Variants in GRIA3 observed in about 807,000 individuals in gnomAD.
GRIA3 encodes glutamate receptor 3.
A neutral mutation model predicts 63.0 loss-of-function variants in GRIA3; 3 were observed. That is an observed-to-expected ratio of 0.05 (90% CI 0.02 to 0.12). The LOEUF (loss-of-function observed/expected upper bound fraction) is 0.12, where lower values mean the gene tolerates loss of function less well. Ranked by LOEUF, GRIA3 falls within the 10% of genes least tolerant of loss-of-function variation. GRIA3 has a pLI of 1.00. For missense variants in GRIA3, 347 were observed against 700.9 expected (o/e 0.50, Z 5.70); for synonymous variants, 274 against 257.9 (o/e 1.06, Z -0.60).
intron 2 of GRIA3, among the ~76,000 whole-genome samples, chrX:123,215,106 A>C (rs1928127942): frequency 8.9e-6 from 1 of 112,290 alleles, no homozygotes; most frequent in Non-Finnish European, 1.9e-5. Flanking sequence ...ATAGTTCGCC[A>C]ATCTAAAAAA....
chrX:123,382,161 A>G (rs1428221626), intron 5 of GRIA3, among the ~76,000 whole-genome samples: 1 of 111,964 alleles, frequency 8.9e-6, no homozygotes, highest in Non-Finnish European at 1.9e-5. Flanking sequence ...CTTTCCTTTC[A>G]TCTCCCTAAA....
chrX:123,417,325 T>C lies in GRIA3; in HGVS notation c.1501-77T>C, dbSNP rs140293622. On this transcript the variant is annotated intron_variant, in intron 10 of 15. Coordinates refer to ENST00000620443, the MANE Select transcript of GRIA3 (RefSeq NM_007325.5). Reference sequence around the variant, plus strand: ...GGACTTGATATTTTCACCAAAGAAGTATATTAAGCGACAAATAACTGATTA... The same window carrying C: ...GGACTTGATATTTTCACCAAAGAAGCATATTAAGCGACAAATAACTGATTA... The C allele has an allele frequency of 1.1e-3, 890 of 822,961 alleles. 4 individuals carry two copies. The highest frequency in any genetic ancestry group is 7.2e-3 in the Middle Eastern group (23 of 3,202). 67.8% of individuals were successfully genotyped at this position (822,961 alleles called of 1,213,427 possible).
rs763862019 is a variant in GRIA3 at position 123,224,823 on chromosome X, G to A, written c.269-28480G>A. Among the ~76,000 whole-genome samples, 12 of 110,878 alleles carry A rather than the reference G, an allele frequency of 1.1e-4. No individual in the cohort carries two copies. The South Asian group carries it at 1.2e-3, about 11-fold the overall frequency. The stretch of plus-strand genomic sequence containing the variant: ...TTAAATGTAAATCCTTAAACATGCC[G>A]GGCTAGCTCATGGCTCAATGCTTTC... On this transcript the variant is annotated intron_variant, in intron 2 of 15. Transcript: ENST00000620443.
At chrX:123,470,346 T>A (rs1218426758) in intron 13 of GRIA3, among the ~76,000 whole-genome samples, 1 of 111,953 alleles carries the variant, frequency 8.9e-6, no homozygotes, top group Non-Finnish European at 1.9e-5. Context: ...GGAACTAGAA[T>A]AAACTGACCA....
chrX:123,371,460 A>T (rs765303667), intron 5 of GRIA3, among the ~76,000 whole-genome samples: 26 of 110,401 alleles, frequency 2.4e-4, no homozygotes, highest in Non-Finnish European at 4.2e-4. Context: ...GAACCTCCAA[A>T]CTGTTCTTCA....
chrX:123,389,756 G>C (rs987284907), intron 5 of GRIA3, among the ~76,000 whole-genome samples: 1 of 111,057 alleles, frequency 9.0e-6, no homozygotes, highest in South Asian at 3.8e-4. Context: ...TGCCCAGGCT[G>C]GAGTGCAGTA....
At chrX:123,395,660 T>C (rs753421729) in intron 6 of GRIA3, among the ~76,000 whole-genome samples, 90 of 111,836 alleles carry the variant, frequency 8.0e-4, no homozygotes, top group African/African-American at 2.6e-3. Context: ...CCTAGATTGC[T>C]CATTTTCACA....
chrX:123,345,966 C>T (rs1402329072), intron 4 of GRIA3, among the ~76,000 whole-genome samples: 1 of 111,720 alleles, frequency 9.0e-6, no homozygotes, highest in Non-Finnish European at 1.9e-5. Flanking sequence ...ATAGGATAAG[C>T]ATTGGGCAAT....
intron 3 of GRIA3, among the ~76,000 whole-genome samples, chrX:123,324,436 C>T (rs182194409): frequency 3.6e-4 from 40 of 111,706 alleles, no homozygotes; most frequent in Admixed American, 5.7e-4. Context: ...GAGGCTTTAT[C>T]GTACACTGCT....
intron 2 of GRIA3, among the ~76,000 whole-genome samples, chrX:123,240,299 G>A (rs1345637598): frequency 9.0e-6 from 1 of 111,158 alleles, no homozygotes; most frequent in Non-Finnish European, 1.9e-5. Flanking sequence ...CCAACTGGTT[G>A]AATTCAAGTT....
chrX:123,363,121 C>T (rs1378380144), intron 5 of GRIA3, among the ~76,000 whole-genome samples: 1 of 112,494 alleles, frequency 8.9e-6, no homozygotes, highest in East Asian at 2.8e-4. Context: ...AAGCATCACC[C>T]AGATGAACAG....
At chrX:123,411,505 G>A (rs1170921205) in intron 10 of GRIA3, among the ~76,000 whole-genome samples, 3 of 111,686 alleles carry the variant, frequency 2.7e-5, no homozygotes, top group African/African-American at 9.8e-5. Context: ...GCTAAAACCT[G>A]TCAGATTCTT....
intron 13 of GRIA3, among the ~76,000 whole-genome samples, chrX:123,471,990 C>CATATATATATATAT (rs760824587): frequency 0.031 from 410 of 13,375 alleles, 68 homozygotes; most frequent in South Asian, 0.048. Flanking sequence ...CAATGGCATT[C>CATATATATATATAT]ATATATATAT....
rs182789253 is a variant in GRIA3 at position 123,292,498 on chromosome X, C to G, written c.509-33528C>G. On this transcript the variant is annotated intron_variant, in intron 3 of 15. Coordinates refer to ENST00000620443, the MANE Select transcript of GRIA3 (RefSeq NM_007325.5). The stretch of plus-strand genomic sequence containing the variant: ...AAAACAACCTTTGAAGACCTCCCCC[C>G]ACCCCACACCCCAAAAAAGCAAATG... 3.6e-5 allele frequency among the ~76,000 whole-genome samples: 4 copies of G among 110,553 alleles called. No individual in the cohort carries two copies. In the East Asian group the frequency reaches 8.6e-4, roughly 24 times the overall value.
intron 5 of GRIA3, among the ~76,000 whole-genome samples, chrX:123,366,325 T>C (rs747495834): frequency 1.3e-4 from 14 of 111,379 alleles, no homozygotes; most frequent in Non-Finnish European, 2.3e-4. Flanking sequence ...CTCCCTTTTA[T>C]AAGAGAACCT....
intron 2 of GRIA3, among the ~76,000 whole-genome samples, chrX:123,250,186 T>C (rs766178047): frequency 1.8e-5 from 2 of 111,478 alleles, no homozygotes; most frequent in Admixed American, 9.5e-5. Context: ...GAGGACCACA[T>C]AGATAAAAGT....
intron 3 of GRIA3, among the ~76,000 whole-genome samples, chrX:123,274,790 C>A (rs1253477915): frequency 9.0e-6 from 1 of 111,393 alleles, no homozygotes; most frequent in Non-Finnish European, 1.9e-5. Context: ...GGGAAGAATT[C>A]CATGACCAAA....
At chrX:123,356,195 TAC>T (rs1411677975) in intron 5 of GRIA3, among the ~76,000 whole-genome samples, 7 of 112,123 alleles carry the variant, frequency 6.2e-5, no homozygotes, top group African/African-American at 1.9e-4. Context: ...AGGCACCTGA[TAC>T]AGTTATTGAT....
intron 3 of GRIA3, among the ~76,000 whole-genome samples, chrX:123,307,697 T>C (rs1472689022): frequency 9.0e-6 from 1 of 110,732 alleles, no homozygotes; most frequent in African/African-American, 3.3e-5. Context: ...CTCCCTACTC[T>C]AGGATTCAGT....
Sources: gnomAD v4.1 joint callset for allele counts (sites outside exome capture counted in the v4.1 genomes callset) on GRCh38, gnomAD v4.1.1 for gene constraint, MANE v1.5 for transcripts, NCBI Gene and HGNC (gene_info 2026-07-23, HGNC 2026-07-21) for gene names.